The following CSMD1 variants were observed in gnomAD, a reference collection of about 807,000 sequenced individuals.
The protein encoded by CSMD1 is CUB and Sushi multiple domains 1.
Under a neutral mutation model 417.5 loss-of-function variants are expected in CSMD1, and 213 were observed. The observed-to-expected ratio is 0.51, with a 90% CI of 0.46 to 0.57. The LOEUF is 0.57. CSMD1 is among the 20% of genes least tolerant of loss of function. The pLI, the probability that CSMD1 is intolerant of heterozygous loss-of-function variation, is 0.00. For missense variants in CSMD1, 6,923 were observed against 4,529.7 expected (o/e 1.53, Z -15.17); for synonymous variants, 2,862 against 1,736.8 (o/e 1.65, Z -16.11).
At chr8:3,097,154 T>G in intron 46 of CSMD1, 117 bp from the exon 47 acceptor site, 1 of 746,746 alleles carries the variant, frequency 1.3e-6, no homozygotes, top group Non-Finnish European at 2.1e-6. Flanking sequence ...CTTATTGAGC[T>G]CTGGCCAAAT....
rs749303264 is a variant in CSMD1 at position 3,091,607 on chromosome 8, T to A, written c.7194A>T (p.Gln2398His). 3 of 1,611,688 alleles carry A rather than the reference T, an allele frequency of 1.9e-6. No homozygotes were observed. The East Asian group carries it at 6.7e-5, about 36-fold the overall frequency. Residue 2398 changes from glutamine (Q) to histidine (H), a missense_variant, in exon 48 of 70, where the codon CAA (glutamine) becomes CAT (histidine). Physicochemically the swap from Gln to His is conservative, Grantham distance 24. Coordinates refer to ENST00000635120, the MANE Select transcript of CSMD1 (RefSeq NM_033225.6). ...GATTACTCCTGCTTGTAAAATTTGA[T>A]TGTTCAGTATGATTCCCACTTAAGA... ...LVVLSGNHTE[Q>H]SNFTSRSNQL... is the part of the protein sequence containing the mutation.
At chr8:3,596,157 C>T (rs969804356) in intron 8 of CSMD1, among the ~76,000 whole-genome samples, 9 of 152,146 alleles carry the variant, frequency 5.9e-5, no homozygotes, top group African/African-American at 1.9e-4. Flanking sequence ...TGAGGAGTGT[C>T]GGAGGCAGAG....
At chr8:4,581,737 C>T (rs953331602) in intron 2 of CSMD1, among the ~76,000 whole-genome samples, 6 of 152,178 alleles carry the variant, frequency 3.9e-5, no homozygotes, top group African/African-American at 1.4e-4. Flanking sequence ...TCCCAGAGGG[C>T]CCTCACCTCA....
chr8:3,906,575 G>C (rs10104914), intron 5 of CSMD1, among the ~76,000 whole-genome samples: 5,094 of 151,712 alleles, frequency 0.034, 287 homozygotes, highest in African/African-American at 0.11. Flanking sequence ...GTACCATGAG[G>C]TGTGGGATAT....
intron 3 of CSMD1, among the ~76,000 whole-genome samples, chr8:4,174,348 G>C (rs1385713949): frequency 6.6e-6 from 1 of 152,098 alleles, no homozygotes; most frequent in African/African-American, 2.4e-5. Context: ...ACAGATTAAA[G>C]TGCAGTCTCT....
At chr8:4,074,234 C>A (rs548607241) in intron 3 of CSMD1, among the ~76,000 whole-genome samples, 1 of 151,698 alleles carries the variant, frequency 6.6e-6, no homozygotes, top group Non-Finnish European at 1.5e-5. Flanking sequence ...TTTTTGTAAC[C>A]CCAGAGAAAG....
intron 6 of CSMD1, among the ~76,000 whole-genome samples, chr8:3,709,156 T>TTTG (rs1424774160): frequency 6.6e-6 from 1 of 151,872 alleles, no homozygotes; most frequent in African/African-American, 2.4e-5. Flanking sequence ...AAGTTTCATT[T>TTTG]TTTTTTTTTG....
intron 7 of CSMD1, among the ~76,000 whole-genome samples, chr8:3,623,314 A>C (rs113388304): frequency 2.7e-3 from 409 of 152,332 alleles, no homozygotes; most frequent in African/African-American, 9.5e-3. Context: ...CTGCTGTTTG[A>C]GGACATGCCA....
At chr8:3,621,766 T>G (rs73493623) in intron 7 of CSMD1, among the ~76,000 whole-genome samples, 1 of 150,914 alleles carries the variant, frequency 6.6e-6, no homozygotes, top group African/African-American at 2.4e-5. Context: ...ATTATTATTA[T>G]TTTATTATTA....
intron 10 of CSMD1, among the ~76,000 whole-genome samples, chr8:3,507,536 G>T (rs1324742823): frequency 6.6e-6 from 1 of 152,066 alleles, no homozygotes; most frequent in Non-Finnish European, 1.5e-5. Flanking sequence ...GGGATTGCTG[G>T]GTCAAATGGT....
At chr8:3,725,265 T>A (rs967179013) in intron 6 of CSMD1, among the ~76,000 whole-genome samples, 4 of 152,232 alleles carry the variant, frequency 2.6e-5, no homozygotes, top group Admixed American at 2.0e-4. Flanking sequence ...AGGTAACCAA[T>A]GAGTTTGGCA....
At chr8:3,626,825 A>T (rs937507391) in intron 7 of CSMD1, among the ~76,000 whole-genome samples, 3 of 149,744 alleles carry the variant, frequency 2.0e-5, no homozygotes, top group Admixed American at 6.7e-5. Flanking sequence ...TATAATTTAT[A>T]TATCAAAGTA....
chr8:4,585,358 A>C (rs920023609), intron 2 of CSMD1, among the ~76,000 whole-genome samples: 3 of 152,198 alleles, frequency 2.0e-5, no homozygotes, highest in African/African-American at 7.2e-5. Flanking sequence ...AGAGAACTAG[A>C]AAAAAGGTTA....
intron 5 of CSMD1, among the ~76,000 whole-genome samples, chr8:3,987,305 G>A (rs1192162067): frequency 6.6e-6 from 1 of 152,188 alleles, no homozygotes; most frequent in African/African-American, 2.4e-5. Flanking sequence ...TGACCTCACT[G>A]AGCAGTGCTT....
intron 10 of CSMD1, among the ~76,000 whole-genome samples, chr8:3,520,012 G>GTGTATACA (rs1225105460): frequency 9.2e-5 from 11 of 120,028 alleles, no homozygotes; most frequent in Non-Finnish European, 1.8e-4. Context: ...GTGTGTGTGT[G>GTGTATACA]TATATACCTA....
intron 3 of CSMD1, among the ~76,000 whole-genome samples, chr8:4,041,780 G>A (rs144656160): frequency 4.0e-5 from 6 of 151,892 alleles, no homozygotes; most frequent in African/African-American, 7.3e-5. Context: ...CTTGAGACAT[G>A]GGAAATATTA....
Position 3,388,922 on chromosome 8 carries a change from C to T in CSMD1, c.2594-1240G>A, listed in dbSNP as rs1036371410. Among the ~76,000 whole-genome samples, 3 of 47,468 alleles carry T rather than the reference C, an allele frequency of 6.3e-5. No individual in the cohort carries two copies. The Admixed American group carries it at 6.8e-4, about 11-fold the overall frequency. The allele number at this position is 47,468 out of a possible 152,430, so 31.1% of individuals were successfully genotyped here. A position where few individuals can be genotyped will look rare whatever the true frequency, so the allele number is the denominator to read the frequency against. ...ACACACACACACACACACACACACA[C>T]ACACACACACACACACACATTCACT... On this transcript the variant is annotated intron_variant, in intron 17 of 69. Coordinates refer to ENST00000635120, the MANE Select transcript of CSMD1 (RefSeq NM_033225.6).
chr8:3,170,594 G>C (rs1403340518), intron 37 of CSMD1, among the ~76,000 whole-genome samples: 1 of 152,168 alleles, frequency 6.6e-6, no homozygotes, highest in African/African-American at 2.4e-5. Flanking sequence ...TTTGTTTACA[G>C]CTCTCTCATT....
chr8:4,717,563 T>TATCTATGC (rs765602082), intron 1 of CSMD1, among the ~76,000 whole-genome samples: 1 of 137,166 alleles, frequency 7.3e-6, no homozygotes, highest in Non-Finnish European at 1.6e-5. Flanking sequence ...TCTATCTATC[T>TATCTATGC]ATCCATCCAT....
Sources: allele counts gnomAD v4.1 joint callset (sites outside exome capture counted in the v4.1 genomes callset), GRCh38; gene constraint gnomAD v4.1.1; transcripts MANE v1.5; gene names NCBI Gene and HGNC (gene_info 2026-07-23, HGNC 2026-07-21).